The following ZFPM1 variants were observed in gnomAD, a reference collection of about 807,000 sequenced individuals.
ZFPM1 encodes zinc finger protein ZFPM1.
A neutral mutation model predicts 46.3 loss-of-function variants in ZFPM1; 28 were observed. That is an observed-to-expected ratio of 0.60 (90% CI 0.45 to 0.83). ZFPM1 has a LOEUF of 0.83. ZFPM1 is among the 40% of genes least tolerant of loss of function. The pLI, the probability that ZFPM1 is intolerant of heterozygous loss-of-function variation, is 0.00. For missense variants in ZFPM1, 1,878 were observed against 1,432.4 expected (o/e 1.31, Z -5.02); for synonymous variants, 957 against 675.9 (o/e 1.42, Z -6.45).
intron 3 of ZFPM1, among the ~76,000 whole-genome samples, chr16:88,510,517 T>C (rs1375543854): frequency 1.3e-5 from 2 of 152,238 alleles, no homozygotes; most frequent in Admixed American, 6.5e-5. Flanking sequence ...GGGGGTGAAA[T>C]TGAATCCCAG....
At chr16:88,529,542 A>T (rs73250254) in intron 6 of ZFPM1, among the ~76,000 whole-genome samples, 7,667 of 152,232 alleles carry the variant, frequency 0.05, 412 homozygotes, top group African/African-American at 0.14. Context: ...CTACATGCAA[A>T]AGAGAAGCCA....
At chr16:88,520,766 T>C (rs1248178964) in intron 4 of ZFPM1, among the ~76,000 whole-genome samples, 1 of 112,828 alleles carries the variant, frequency 8.9e-6, no homozygotes, top group Non-Finnish European at 1.8e-5. Flanking sequence ...GGTGGATGGA[T>C]GGATGATTGG....
chr16:88,514,574 G>A lies in ZFPM1; in HGVS notation c.402+54G>A. On this transcript the variant is annotated intron_variant, in intron 4 of 9. Transcript: ENST00000319555. ...CGCCCACCCCAATGCAGGGCAACAT[G>A]GACCCAGGGGACAGGCCCAGCTTAG... 1.4e-6 allele frequency: 2 copies of A among 1,434,342 alleles called. 1 individual carries two copies. The highest frequency in any genetic ancestry group is 2.6e-5 in the South Asian group (2 of 78,242). The allele number at this position is 1,434,342 out of a possible 1,614,324, so 88.9% of individuals were successfully genotyped here. A position where few individuals can be genotyped will look rare whatever the true frequency, so the allele number is the denominator to read the frequency against.
Position 88,533,577 on chromosome 16 carries a change from C to G in ZFPM1, c.1619C>G (p.Ser540Trp). The change falls in exon 10 of 10, where the codon TCG becomes TGG. Residue 540 changes from serine (S) to tryptophan (W), a missense_variant. Transcript: ENST00000319555. ...GGGCCCGACGCGGCGCCCCCCGCCT[C>G]GGAGATCCTGGCCAAGATGTCCGAG... ...VFGPDAAPPA[S>W]EILAKMSELV... The G allele has an allele frequency of 6.7e-7, 1 of 1,499,692 alleles. No individual in the cohort carries two copies. The highest frequency in any genetic ancestry group is 8.9e-7 in the Non-Finnish European group (1 of 1,124,952). 92.9% of individuals were successfully genotyped at this position (1,499,692 alleles called of 1,614,324 possible).
chr16:88,491,055 G>GGTCAGGCGCTGGTGCCTTCGCGGGTCCCA (rs367917485), intron 3 of ZFPM1, among the ~76,000 whole-genome samples: 5 of 146,630 alleles, frequency 3.4e-5, no homozygotes, highest in African/African-American at 7.9e-5. Flanking sequence ...CGGGGGTCTC[G>GGTCAGGCGCTGGTGCCTTCGCGGGTCCCA]GTCAGGCGCT....
chr16:88,516,641 C>G, intron 4 of ZFPM1: 1 of 398,684 alleles, frequency 2.5e-6, no homozygotes. Context: ...GCACGCCTTT[C>G]CGATACTTCA....
chr16:88,507,958 AAG>A (rs1206731718), intron 3 of ZFPM1, among the ~76,000 whole-genome samples: 3 of 152,144 alleles, frequency 2.0e-5, no homozygotes, highest in Non-Finnish European at 4.4e-5. Context: ...GGAACCTAAA[AAG>A]GGGATCACAG....
chr16:88,483,466 C>T (rs1335832528), intron 1 of ZFPM1, among the ~76,000 whole-genome samples: 1 of 152,248 alleles, frequency 6.6e-6, no homozygotes, highest in Non-Finnish European at 1.5e-5. Context: ...GCACATATGG[C>T]CCCCTCTGCC....
In ZFPM1 at chr16:88,488,965, C is replaced by A. The variant is rs559874750; in HGVS notation, c.146-66C>A. 46 of 1,554,230 alleles carry A rather than the reference C, an allele frequency of 3.0e-5. 1 individual carries two copies. In the African/African-American group the frequency reaches 5.9e-4, roughly 20 times the overall value. On this transcript the variant is annotated intron_variant, in intron 2 of 9. Coordinates refer to ENST00000319555, the MANE Select transcript of ZFPM1 (RefSeq NM_153813.3). The stretch of plus-strand genomic sequence containing the variant: ...CCCAGCGCCTCAGCATCCTTCCCAG[C>A]TACAGGGAGGGGCAGCTCAGTGCCC...
chr16:88,488,882 C>A (rs1306985406), intron 2 of ZFPM1, 149 bp from the exon 3 acceptor site: 21 of 1,203,512 alleles, frequency 1.7e-5, no homozygotes, highest in Admixed American at 2.5e-5. Context: ...TGTCCCACCC[C>A]AGTGAGAGCG....
rs1202074414 is a variant in ZFPM1, at chr16:88,497,935, C to T, written c.268+8782C>T. On this transcript the variant is annotated intron_variant, in intron 3 of 9. Transcript: ENST00000319555. This position sits in a 1 kb window ranked among gnomAD's most constrained non-coding sequence, Gnocchi z 5.4. ...TGAGGCGGGGGCCCGGCCTGATGGA[C>T]AGCAGGGAGATGGGCCGATAGGCGA... 6.6e-6 allele frequency among the ~76,000 whole-genome samples: 1 copy of T among 152,198 alleles called. No homozygotes were observed. Among genetic ancestry groups the T allele is most frequent in the Non-Finnish European group, 1.5e-5 (1 of 68,010 alleles).
chr16:88,479,687 A>G (rs1196164289), intron 1 of ZFPM1, among the ~76,000 whole-genome samples: 3 of 151,814 alleles, frequency 2.0e-5, no homozygotes, highest in East Asian at 3.9e-4. Context: ...CCTCCTGGCA[A>G]TGCTGTGACC....
intron 3 of ZFPM1, among the ~76,000 whole-genome samples, chr16:88,492,907 A>G (rs2142384512): frequency 6.6e-6 from 1 of 152,300 alleles, no homozygotes; most frequent in East Asian, 1.9e-4. Context: ...GCACACAAGG[A>G]CTTTGTAAGC....
intron 6 of ZFPM1, among the ~76,000 whole-genome samples, chr16:88,529,483 CAG>C (rs1365516013): frequency 6.6e-6 from 1 of 152,196 alleles, no homozygotes; most frequent in Non-Finnish European, 1.5e-5. Context: ...GTATGAGAGT[CAG>C]GGGAGCAGAC....
rs757366946 is a variant in ZFPM1 at position 88,534,389 on chromosome 16, C to T, written c.2431C>T (p.Pro811Ser). 5.5e-6 allele frequency: 8 copies of T among 1,465,312 alleles called. No homozygotes were observed. Among genetic ancestry groups the T allele is most frequent in the Non-Finnish European group, 6.3e-6 (7 of 1,114,360 alleles). 90.8% of individuals were successfully genotyped at this position (1,465,312 alleles called of 1,614,324 possible). A position where few individuals can be genotyped will look rare whatever the true frequency, so the allele number is the denominator to read the frequency against. Residue 811 changes from proline to serine, a missense_variant, in exon 10 of 10, where the codon CCG (proline) becomes TCG (serine). Physicochemically the swap from Pro to Ser is moderately conservative, Grantham distance 74. Coordinates refer to ENST00000319555, the MANE Select transcript of ZFPM1 (RefSeq NM_153813.3). ...GCGCCCGCTCCCCGGAGCCCCGGCA[C>T]CGGCGCTGGCCGACTACCACGAGTG... Reference protein sequence around the residue: ...PRRPLPGAPAPALADYHECTA... With the variant: ...PRRPLPGAPASALADYHECTA...
intron 1 of ZFPM1, among the ~76,000 whole-genome samples, chr16:88,455,718 A>G (rs1297284038): frequency 6.6e-6 from 1 of 152,146 alleles, no homozygotes; most frequent in Non-Finnish European, 1.5e-5. Context: ...TGCCGCGCTG[A>G]TAAGGCGCGC....
rs1913140920 is a variant in ZFPM1, at chr16:88,534,673, C to T, written c.2715C>T (p.Ala905=). 2 of 994,732 alleles carry T rather than the reference C, an allele frequency of 2.0e-6. No individual in the cohort carries two copies. Among genetic ancestry groups the T allele is most frequent in the Non-Finnish European group, 2.4e-6 (2 of 837,822 alleles). 61.6% of individuals were successfully genotyped at this position (994,732 alleles called of 1,614,324 possible). A position where few individuals can be genotyped will look rare whatever the true frequency, so the allele number is the denominator to read the frequency against. ...PADRGPSPAP[A]PAASPQPGSR... ...ACCGCGGCCCCTCGCCCGCTCCCGC[C>T]CCCGCCGCCTCCCCGCAGCCCGGGT... The change falls in exon 10 of 10, where the codon GCC becomes GCT. Residue 905 remains alanine, a synonymous_variant. Transcript: ENST00000319555.
At chr16:88,461,977 C>T (rs1907914172) in intron 1 of ZFPM1, among the ~76,000 whole-genome samples, 1 of 152,234 alleles carries the variant, frequency 6.6e-6, no homozygotes, top group Non-Finnish European at 1.5e-5. Flanking sequence ...ACTGCCCACT[C>T]AGCACCCCCA....
At chr16:88,523,248 A>G (rs1912042280) in intron 4 of ZFPM1, among the ~76,000 whole-genome samples, 2 of 151,478 alleles carry the variant, frequency 1.3e-5, no homozygotes, top group African/African-American at 4.9e-5. Context: ...CTTGCTCCCC[A>G]GTGCCCACAG....
Sources: allele counts gnomAD v4.1 joint callset (sites outside exome capture counted in the v4.1 genomes callset), GRCh38; gene constraint gnomAD v4.1.1; non-coding constraint Gnocchi (gnomAD v3.1); transcripts MANE v1.5; gene names NCBI Gene and HGNC (gene_info 2026-07-23, HGNC 2026-07-21).